The following TENM2 variants were observed in gnomAD, a reference collection of about 807,000 sequenced individuals.
The protein encoded by TENM2 is teneurin transmembrane protein 2.
A neutral mutation model predicts 245.2 loss-of-function variants in TENM2; 52 were observed. That is an observed-to-expected ratio of 0.21 (90% CI 0.17 to 0.27). The LOEUF (loss-of-function observed/expected upper bound fraction) is 0.27, where lower values mean the gene tolerates loss of function less well. TENM2 is among the 10% of genes least tolerant of loss of function. The probability of loss-of-function intolerance (pLI) is 1.00; values close to 1 mark genes in which losing one functional copy is unlikely to be tolerated. For synonymous variants in TENM2, 1,363 were observed against 1,438.9 expected (o/e 0.95, Z 1.19); for missense variants, 3,046 against 3,666.8 (o/e 0.83, Z 4.37).
chr5:167,993,154 C>G, exon 5 of TENM2: 1 of 1,614,024 alleles, frequency 6.2e-7, no homozygotes, highest in Non-Finnish European at 8.5e-7. Context: ...CGGCCCTCCT[C>G]TTGGCTATTT....
intron 2 of TENM2, among the ~76,000 whole-genome samples, chr5:167,806,396 GA>G (rs978989772): frequency 6.0e-5 from 9 of 150,354 alleles, no homozygotes; most frequent in East Asian, 3.9e-4. Flanking sequence ...TCACATTTAA[GA>G]AAAAAAAAGA....
At chr5:168,146,120 C>G (rs894463538) in intron 12 of TENM2, among the ~76,000 whole-genome samples, 1 of 151,414 alleles carries the variant, frequency 6.6e-6, no homozygotes, top group Non-Finnish European at 1.5e-5. Context: ...ATCATGTCGT[C>G]TGCAAACAGG....
the TENM2 span, among the ~76,000 whole-genome samples, chr5:167,239,613 G>A: frequency 1.3e-5 from 2 of 152,110 alleles, no homozygotes; most frequent in Non-Finnish European, 2.9e-5. Context: ...TCCCCCACTA[G>A]TAGTCTGTGG....
chr5:167,268,927 T>TAGATAGATAGATAGAC, the TENM2 span, among the ~76,000 whole-genome samples: 2 of 134,390 alleles, frequency 1.5e-5, no homozygotes, highest in African/African-American at 5.7e-5. Context: ...GATAGATAGA[T>TAGATAGATAGATAGAC]AGACAGACAT....
At chr5:168,258,595 A>G (rs1767900178) in intron 27 of TENM2, among the ~76,000 whole-genome samples, 1 of 152,242 alleles carries the variant, frequency 6.6e-6, no homozygotes, top group African/African-American at 2.4e-5. Flanking sequence ...GATGAAACTT[A>G]GAACCTTAAA....
At chr5:167,403,025 A>AG (rs1329058676) in intron 2 of TENM2, among the ~76,000 whole-genome samples, 1 of 152,170 alleles carries the variant, frequency 6.6e-6, no homozygotes, top group Admixed American at 6.6e-5. Flanking sequence ...GGTGGATTTG[A>AG]GGTAAACCCT....
intron 2 of TENM2, among the ~76,000 whole-genome samples, chr5:167,791,925 C>A (rs1354168429): frequency 6.6e-6 from 1 of 152,170 alleles, no homozygotes; most frequent in Non-Finnish European, 1.5e-5. Flanking sequence ...ATCATCCCCA[C>A]TCTCCATACT....
the TENM2 span, among the ~76,000 whole-genome samples, chr5:167,118,016 C>T: frequency 6.6e-6 from 1 of 152,220 alleles, no homozygotes; most frequent in African/African-American, 2.4e-5. Flanking sequence ...CCTCTATACA[C>T]TTCTTTCTAC....
chr5:167,393,223 A>G lies in TENM2; in HGVS notation c.502+17750A>G, dbSNP rs368742733. ...GAAAATAGAAGAGAGGGAGAGATAA[A>G]TAGAAGGGAGGGATGAAGGAAATAA... On this transcript the variant is annotated intron_variant, in intron 2 of 28. Coordinates refer to ENST00000518659, the Ensembl canonical transcript of TENM2. Among the ~76,000 whole-genome samples the G allele has an allele frequency of 1.6e-4, 24 of 152,152 alleles. 1 individual carries two copies. Among genetic ancestry groups the G allele is most frequent in the African/African-American group, 4.6e-4 (19 of 41,530 alleles).
chr5:168,155,366 CA>C (rs35543060), intron 12 of TENM2, among the ~76,000 whole-genome samples: 82,111 of 139,948 alleles, frequency 0.59, 23,438 homozygotes, highest in East Asian at 0.95. Context: ...AAAAAACAAA[CA>C]AAAAAAAAAC....
chr5:167,490,333 T>G (rs1768349436), intron 2 of TENM2, among the ~76,000 whole-genome samples: 2 of 152,182 alleles, frequency 1.3e-5, no homozygotes, highest in Admixed American at 1.3e-4. Context: ...TTCCTTATTT[T>G]TAACATCTTA....
intron 4 of TENM2, among the ~76,000 whole-genome samples, chr5:167,965,962 T>G (rs1447393144): frequency 6.6e-6 from 1 of 152,140 alleles, no homozygotes; most frequent in Non-Finnish European, 1.5e-5. Flanking sequence ...ACAAATTAAT[T>G]TGCTTAGGCC....
the TENM2 span, among the ~76,000 whole-genome samples, chr5:167,037,397 C>T: frequency 6.6e-6 from 1 of 152,160 alleles, no homozygotes; most frequent in African/African-American, 2.4e-5. Flanking sequence ...TAAATCACTT[C>T]TGTTTATTGC....
At chr5:167,102,591 C>T in the TENM2 span, among the ~76,000 whole-genome samples, 6 of 152,322 alleles carry the variant, frequency 3.9e-5, no homozygotes, top group African/African-American at 1.4e-4. Flanking sequence ...AGCACTGGTG[C>T]ATGAGTTCGG....
At chr5:166,996,248 C>A in the TENM2 span, among the ~76,000 whole-genome samples, 3 of 152,052 alleles carry the variant, frequency 2.0e-5, no homozygotes, top group Non-Finnish European at 4.4e-5. Flanking sequence ...GAGGGTGAGG[C>A]AGGAGAATGG....
At chr5:167,585,116 T>TAGTCTAGGGCAGATTCAAAGTGTCCTA (rs1334562309) in intron 2 of TENM2, among the ~76,000 whole-genome samples, 1 of 152,176 alleles carries the variant, frequency 6.6e-6, no homozygotes, top group Non-Finnish European at 1.5e-5. Flanking sequence ...TCCCAAGTCT[T>TAGTCTAGGGCAGATTCAAAGTGTCCTA]AGTCTAGGGC....
intron 2 of TENM2, among the ~76,000 whole-genome samples, chr5:167,828,093 C>T (rs1425780515): frequency 6.6e-6 from 1 of 152,188 alleles, no homozygotes; most frequent in Non-Finnish European, 1.5e-5. Flanking sequence ...TTGTCCTAGA[C>T]AAATGTTAAA....
intron 27 of TENM2, among the ~76,000 whole-genome samples, chr5:168,254,573 AAAG>A (rs144297085): frequency 1.2e-3 from 183 of 152,210 alleles, no homozygotes; most frequent in African/African-American, 4.2e-3. Flanking sequence ...AGAAGAAGAG[AAAG>A]AAGAACTACA....
At chr5:167,423,066 C>T (rs1405329669) in intron 2 of TENM2, among the ~76,000 whole-genome samples, 1 of 151,696 alleles carries the variant, frequency 6.6e-6, no homozygotes, top group Non-Finnish European at 1.5e-5. Context: ...AAAAAGTCAC[C>T]CATGAAACTT....
Sources: gnomAD v4.1 joint callset for allele counts (sites outside exome capture counted in the v4.1 genomes callset) on GRCh38, gnomAD v4.1.1 for gene constraint, MANE v1.5 for transcripts, NCBI Gene and HGNC (gene_info 2026-07-23, HGNC 2026-07-21) for gene names.